Variants in CHRM3 observed in about 807,000 individuals in gnomAD.
The protein encoded by CHRM3 is muscarinic acetylcholine receptor M3.
In CHRM3, 11 loss-of-function variants were observed where a neutral mutation model predicts 41.8. The ratio of observed to expected loss-of-function variants is 0.26; its 90% CI spans 0.17 to 0.44. The LOEUF (loss-of-function observed/expected upper bound fraction) is 0.44, where lower values mean the gene tolerates loss of function less well. CHRM3 is among the 20% of genes least tolerant of loss of function. CHRM3 has a pLI of 1.00. For missense variants in CHRM3, 571 were observed against 745.4 expected, an observed-to-expected ratio of 0.77 and a Z score of 2.72; for synonymous variants, 297 against 301.4, an observed-to-expected ratio of 0.99 and a Z score of 0.15.
intron 5 of CHRM3, among the ~76,000 whole-genome samples, chr1:239,702,679 C>G (rs185697321): frequency 4.6e-5 from 7 of 152,354 alleles, no homozygotes; most frequent in African/African-American, 1.7e-4. Context: ...GGCGCGATCT[C>G]AGCTCACTGC....
intron 6 of CHRM3, among the ~76,000 whole-genome samples, chr1:239,887,936 C>T (rs1250814319): frequency 6.6e-6 from 1 of 152,176 alleles, no homozygotes; most frequent in Admixed American, 6.5e-5. Flanking sequence ...AAGCTTGTAT[C>T]TGTCCCTGAT....
intron 5 of CHRM3, among the ~76,000 whole-genome samples, chr1:239,691,592 C>T (rs1321176186): frequency 1.3e-5 from 2 of 152,136 alleles, no homozygotes; most frequent in Non-Finnish European, 2.9e-5. Flanking sequence ...GTGGCCCTCA[C>T]GCCTATCTGG....
At chr1:239,702,351 G>A (rs77445035) in intron 5 of CHRM3, among the ~76,000 whole-genome samples, 9,101 of 152,122 alleles carry the variant, frequency 0.06, 287 homozygotes, top group African/African-American at 0.077. Context: ...TTATATCAAG[G>A]GAGGATGCTG....
chr1:239,444,404 A>G (rs1663967318), intron 1 of CHRM3, among the ~76,000 whole-genome samples: 1 of 152,218 alleles, frequency 6.6e-6, no homozygotes, highest in African/African-American at 2.4e-5. Flanking sequence ...AACTGTAATA[A>G]AAAGAATGTT....
intron 4 of CHRM3, among the ~76,000 whole-genome samples, chr1:239,651,795 G>C (rs116117110): frequency 0.023 from 3,455 of 152,182 alleles, 141 homozygotes; most frequent in African/African-American, 0.079. Context: ...TTCAAGGACA[G>C]TTAAAAGATA....
rs558809815 is a variant in CHRM3, at chr1:239,619,459, T to G, written c.-312-12765T>G. ...AGAACAAAATATAGCTACTTTCTAGTATTTAAGAATGTATCTACCTGCAGA... is the reference window on the plus strand; with the variant it reads ...AGAACAAAATATAGCTACTTTCTAGGATTTAAGAATGTATCTACCTGCAGA... On this transcript the variant is annotated intron_variant, in intron 3 of 6. Transcript: ENST00000676153. Among the ~76,000 whole-genome samples the G allele has an allele frequency of 1.1e-4, 17 of 152,304 alleles. 1 individual carries two copies. The South Asian group carries it at 1.9e-3, about 17-fold the overall frequency.
chr1:239,860,124 A>G (rs1293126776), intron 6 of CHRM3, among the ~76,000 whole-genome samples: 1 of 152,096 alleles, frequency 6.6e-6, no homozygotes, highest in Non-Finnish European at 1.5e-5. Flanking sequence ...AGATGATTAG[A>G]ATTTCTCAGG....
chr1:239,889,842 G>A (rs1030831670), intron 6 of CHRM3, among the ~76,000 whole-genome samples: 25 of 152,144 alleles, frequency 1.6e-4, no homozygotes, highest in Non-Finnish European at 2.8e-4. Flanking sequence ...GATAATGCTT[G>A]GCTCAAGGAG....
chr1:239,640,637 C>G (rs1671023052), intron 4 of CHRM3, among the ~76,000 whole-genome samples: 2 of 149,860 alleles, frequency 1.3e-5, no homozygotes, highest in South Asian at 4.3e-4. Flanking sequence ...TTTATTGTGT[C>G]TATTTGATCC....
intron 3 of CHRM3, among the ~76,000 whole-genome samples, chr1:239,563,431 A>C (rs553970833): frequency 6.6e-6 from 1 of 152,284 alleles, no homozygotes; most frequent in East Asian, 1.9e-4. Flanking sequence ...GGACAGTAAG[A>C]ATGGCTAAAG....
chr1:239,822,480 G>A (rs1391758111), intron 5 of CHRM3, among the ~76,000 whole-genome samples: 4 of 152,168 alleles, frequency 2.6e-5, no homozygotes, highest in African/African-American at 9.7e-5. Context: ...GATTTATCTA[G>A]CATGAAATGT....
intron 6 of CHRM3, chr1:239,899,985 A>G (rs897069382): frequency 2.6e-5 from 4 of 152,190 alleles, no homozygotes; most frequent in African/African-American, 9.7e-5. Context: ...GATTACTTAT[A>G]AAGTGCGAAG....
At chr1:239,707,571 A>C (rs1661318848) in intron 5 of CHRM3, 1 of 152,204 alleles carries the variant, frequency 6.6e-6, no homozygotes, top group Non-Finnish European at 1.5e-5. Context: ...AACAATTCTA[A>C]ACTTCTTATG....
At chr1:239,564,400 T>C (rs1238395312) in intron 3 of CHRM3, among the ~76,000 whole-genome samples, 2 of 152,100 alleles carry the variant, frequency 1.3e-5, no homozygotes, top group East Asian at 3.9e-4. Context: ...AAATTATATC[T>C]AGAGGGAGCC....
chr1:239,401,500 T>A (rs889187920), intron 1 of CHRM3, among the ~76,000 whole-genome samples: 2 of 144,634 alleles, frequency 1.4e-5, no homozygotes, highest in Non-Finnish European at 1.5e-5. Flanking sequence ...TTTTTCCTTT[T>A]TTTTTTCTTT....
At chr1:239,881,243 C>CTA in intron 6 of CHRM3, among the ~76,000 whole-genome samples, 1 of 132,908 alleles carries the variant, frequency 7.5e-6, no homozygotes, top group South Asian at 2.6e-4. Context: ...AGATCCCGCC[C>CTA]CTGCACTCCA....
At chr1:239,623,493 T>TA (rs1468699108) in intron 3 of CHRM3, among the ~76,000 whole-genome samples, 239 of 131,052 alleles carry the variant, frequency 1.8e-3, no homozygotes, top group African/African-American at 6.5e-3. Context: ...GTTTTTTTTT[T>TA]TTTAATTTTT....
At chr1:239,731,225 C>T (rs1287945792) in intron 5 of CHRM3, among the ~76,000 whole-genome samples, 3 of 151,742 alleles carry the variant, frequency 2.0e-5, no homozygotes, top group South Asian at 2.1e-4. Flanking sequence ...GTAAGAAAAA[C>T]GCAGAGGCTA....
At chr1:239,488,951 C>T (rs1309299812) in intron 1 of CHRM3, among the ~76,000 whole-genome samples, 5 of 152,044 alleles carry the variant, frequency 3.3e-5, no homozygotes, top group African/African-American at 4.8e-5. Context: ...GTTAGGAGAA[C>T]GTTTGGGAAG....
Sources: gnomAD v4.1 joint callset for allele counts (sites outside exome capture counted in the v4.1 genomes callset) on GRCh38, gnomAD v4.1.1 for gene constraint, MANE v1.5 for transcripts, NCBI Gene and HGNC (gene_info 2026-07-23, HGNC 2026-07-21) for gene names.